The following PTPRD variants were observed in gnomAD, a reference collection of about 807,000 sequenced individuals.
PTPRD encodes the protein protein tyrosine phosphatase receptor type D.
PTPRD carries 34 observed loss-of-function variants against 214.5 expected under a neutral mutation model. The observed-to-expected ratio is 0.16, with a 90% confidence interval of 0.12 to 0.21. The LOEUF (loss-of-function observed/expected upper bound fraction) is 0.21, where lower values mean the gene tolerates loss of function less well. PTPRD is among the 10% of genes least tolerant of loss of function. The probability of loss-of-function intolerance (pLI) is 1.00; values close to 1 mark genes in which losing one functional copy is unlikely to be tolerated. For synonymous variants in PTPRD, 1,128 were observed against 845.7 expected (o/e 1.33, Z -5.79); for missense variants, 2,545 against 2,398.7 (o/e 1.06, Z -1.27).
chr9:10,514,662 G>C (rs549521789), intron 2 of PTPRD, among the ~76,000 whole-genome samples: 56 of 151,142 alleles, frequency 3.7e-4, no homozygotes, highest in African/African-American at 1.3e-3. Flanking sequence ...TTTTCCTCTT[G>C]AGAATTTAAA....
At chr9:9,713,958 C>T (rs1234698547) in intron 7 of PTPRD, among the ~76,000 whole-genome samples, 1 of 151,944 alleles carries the variant, frequency 6.6e-6, no homozygotes, top group African/African-American at 2.4e-5. Flanking sequence ...GGTTACCCTC[C>T]TTACTTGTAG....
chr9:9,346,074 C>T (rs573258885), intron 9 of PTPRD, among the ~76,000 whole-genome samples: 1 of 152,060 alleles, frequency 6.6e-6, no homozygotes, highest in African/African-American at 2.4e-5. Flanking sequence ...AGCTCCCTCA[C>T]GTAGTGCTGT....
chr9:9,927,459 G>T (rs1042088978), intron 5 of PTPRD, among the ~76,000 whole-genome samples: 2 of 151,854 alleles, frequency 1.3e-5, no homozygotes, highest in African/African-American at 4.8e-5. Flanking sequence ...CTGCCCTATT[G>T]GATTTATATC....
At chr9:8,820,526 C>T (rs893531732) in intron 11 of PTPRD, among the ~76,000 whole-genome samples, 5 of 152,064 alleles carry the variant, frequency 3.3e-5, no homozygotes, top group African/African-American at 1.2e-4. Context: ...GTTTCATTTA[C>T]CATCAAAGAC....
intron 7 of PTPRD, among the ~76,000 whole-genome samples, chr9:9,702,582 C>G (rs1433604382): frequency 6.6e-6 from 1 of 152,108 alleles, no homozygotes; most frequent in Non-Finnish European, 1.5e-5. Context: ...AAGAGAAAAA[C>G]AGTACTTTCA....
chr9:8,544,418 T>C (rs1251554634), intron 14 of PTPRD, among the ~76,000 whole-genome samples: 1 of 151,066 alleles, frequency 6.6e-6, no homozygotes, highest in Non-Finnish European at 1.5e-5. Context: ...CAGTTGCTTT[T>C]GCCATTGATA....
intron 2 of PTPRD, among the ~76,000 whole-genome samples, chr9:10,469,417 T>C (rs2099015582): frequency 6.6e-6 from 1 of 152,000 alleles, no homozygotes; most frequent in Admixed American, 6.6e-5. Context: ...CAGAGAGAAA[T>C]CCTTGCATTA....
intron 2 of PTPRD, among the ~76,000 whole-genome samples, chr9:10,582,883 T>C (rs1369494266): frequency 6.6e-6 from 1 of 152,178 alleles, no homozygotes; most frequent in Non-Finnish European, 1.5e-5. Context: ...GGTTTCTTAT[T>C]AGGAAGTAAT....
At chr9:9,242,919 AT>A (rs1221410941) in intron 9 of PTPRD, among the ~76,000 whole-genome samples, 1 of 147,126 alleles carries the variant, frequency 6.8e-6, no homozygotes, top group African/African-American at 2.5e-5. Context: ...AGTTGCTCTT[AT>A]TTTTAGAACT....
At chr9:8,583,823 G>C (rs1564517140) in intron 14 of PTPRD, among the ~76,000 whole-genome samples, 1 of 152,130 alleles carries the variant, frequency 6.6e-6, no homozygotes, top group East Asian at 1.9e-4. Context: ...TTTGTTCATT[G>C]TTGTTTTTCT....
chr9:10,341,953 T>C (rs1227411354), intron 2 of PTPRD, among the ~76,000 whole-genome samples: 2 of 152,062 alleles, frequency 1.3e-5, no homozygotes, highest in Non-Finnish European at 2.9e-5. Flanking sequence ...GGTTTCTAGC[T>C]TTCTAACCTT....
chr9:9,871,700 G>T (rs951008500), intron 5 of PTPRD, among the ~76,000 whole-genome samples: 3 of 149,192 alleles, frequency 2.0e-5, no homozygotes, highest in African/African-American at 5.0e-5. Flanking sequence ...AGGGGCAGAG[G>T]GTATGCAACC....
chr9:9,392,062 C>A (rs538170138), intron 9 of PTPRD, among the ~76,000 whole-genome samples: 1 of 152,046 alleles, frequency 6.6e-6, no homozygotes, highest in Non-Finnish European at 1.5e-5. Context: ...GTCCTAGAGA[C>A]AAATATTCTC....
rs145418915 is a variant in PTPRD at position 9,094,949 on chromosome 9, T to C, written c.-142-76214A>G. Among the ~76,000 whole-genome samples, 156 of 152,188 alleles carry C rather than the reference T, an allele frequency of 1.0e-3. 1 individual carries two copies. The highest frequency in any genetic ancestry group is 3.4e-3 in the Middle Eastern group (1 of 294). On this transcript the variant is annotated intron_variant, in intron 10 of 45. Coordinates refer to ENST00000381196, the MANE Select transcript of PTPRD (RefSeq NM_002839.4). ...CAAAAACCTAATAGCAAATCAAATC[T>C]AGCAAATAGACAAAAGTGATAATAC...
At chr9:9,728,051 T>G (rs1010043869) in intron 7 of PTPRD, among the ~76,000 whole-genome samples, 6 of 152,120 alleles carry the variant, frequency 3.9e-5, no homozygotes, top group Admixed American at 3.3e-4. Flanking sequence ...TGGTAGTGAA[T>G]AAGTCTCATG....
chr9:8,774,446 G>C (rs917774663), intron 11 of PTPRD, among the ~76,000 whole-genome samples: 2 of 150,884 alleles, frequency 1.3e-5, no homozygotes, highest in Non-Finnish European at 3.0e-5. Flanking sequence ...GGGAGCTTTA[G>C]AGACTTTGTA....
intron 10 of PTPRD, among the ~76,000 whole-genome samples, chr9:9,029,979 T>G (rs777881910): frequency 1.3e-5 from 2 of 151,938 alleles, no homozygotes; most frequent in African/African-American, 2.4e-5. Context: ...AGCCAGGAAC[T>G]GAACCATGGG....
chr9:8,924,729 C>G (rs2098856407), intron 11 of PTPRD, among the ~76,000 whole-genome samples: 1 of 152,088 alleles, frequency 6.6e-6, no homozygotes, highest in African/African-American at 2.4e-5. Flanking sequence ...CTCATCATCC[C>G]TACCCCCATC....
intron 3 of PTPRD, among the ~76,000 whole-genome samples, chr9:10,339,593 T>C (rs1270424750): frequency 6.6e-6 from 1 of 151,716 alleles, no homozygotes; most frequent in Non-Finnish European, 1.5e-5. Flanking sequence ...AAAGGGAATT[T>C]ATTCATTCTA....
Sources: gnomAD v4.1 joint callset for allele counts (sites outside exome capture counted in the v4.1 genomes callset) on GRCh38, gnomAD v4.1.1 for gene constraint, MANE v1.5 for transcripts, NCBI Gene and HGNC (gene_info 2026-07-23, HGNC 2026-07-21) for gene names.